Variants in SLCO2B1 observed in about 807,000 individuals in gnomAD.
SLCO2B1 encodes solute carrier organic anion transporter family member 2B1.
Under a neutral mutation model 67.3 loss-of-function variants are expected in SLCO2B1, and 41 were observed. That is an observed-to-expected ratio of 0.61 (90% CI 0.47 to 0.79). The LOEUF is 0.79. Ranked by LOEUF, SLCO2B1 falls within the 30% of genes least tolerant of loss-of-function variation. The pLI is 0.00. For missense variants in SLCO2B1, 837 were observed against 920.1 expected (o/e 0.91, Z 1.17); for synonymous variants, 379 against 381.4 (o/e 0.99, Z 0.07).
chr11:75,203,158 C>T, intron 12 of SLCO2B1, 149 bp from the exon 13 acceptor site: 1 of 1,270,610 alleles, frequency 7.9e-7, no homozygotes. Flanking sequence ...CGTCAGGAAG[C>T]CACCTCGGAT....
chr11:75,189,929 T>C (rs1591830867), intron 8 of SLCO2B1, among the ~76,000 whole-genome samples: 1 of 145,590 alleles, frequency 6.9e-6, no homozygotes, highest in African/African-American at 2.6e-5. Flanking sequence ...GCCGCTGCGC[T>C]CCAGCCTGGG....
At chr11:75,187,500 AT>A (rs1376220116) in intron 7 of SLCO2B1, among the ~76,000 whole-genome samples, 2 of 152,148 alleles carry the variant, frequency 1.3e-5, no homozygotes, top group Non-Finnish European at 2.9e-5. Flanking sequence ...TTTGGGTAAC[AT>A]TGGTGGTGAT....
At chr11:75,189,198 T>C (rs897512962) in intron 8 of SLCO2B1, among the ~76,000 whole-genome samples, 1 of 152,234 alleles carries the variant, frequency 6.6e-6, no homozygotes, top group Non-Finnish European at 1.5e-5. Flanking sequence ...CTCAAGATTA[T>C]GACCCCAGGA....
chr11:75,177,428 G>A (rs904331749), intron 7 of SLCO2B1, among the ~76,000 whole-genome samples: 2 of 152,192 alleles, frequency 1.3e-5, no homozygotes, highest in Non-Finnish European at 2.9e-5. Flanking sequence ...TCCTGCAGTG[G>A]CAGGGACAGG....
chr11:75,157,316 T>C (rs1187883565), intron 1 of SLCO2B1, among the ~76,000 whole-genome samples: 1 of 152,160 alleles, frequency 6.6e-6, no homozygotes, highest in Non-Finnish European at 1.5e-5. Context: ...AATACCATCA[T>C]GTGAATGTTG....
chr11:75,172,642 C>G, intron 7 of SLCO2B1, 73 bp downstream of exon 7: 1 of 1,390,902 alleles, frequency 7.2e-7, no homozygotes. Flanking sequence ...TGTAACATTA[C>G]ACTTCGGCTG....
chr11:75,177,217 T>C (rs1676882), intron 7 of SLCO2B1, among the ~76,000 whole-genome samples: 64,388 of 152,078 alleles, frequency 0.42, 17,216 homozygotes, highest in Non-Finnish European at 0.59. Context: ...CAAGTAGTTC[T>C]ACTATTTTGT....
rs777679616 is a variant in SLCO2B1, at chr11:75,193,341, G to A, written c.1199G>A (p.Arg400His). The A allele has an allele frequency of 5.1e-5, 83 of 1,613,996 alleles. 1 individual carries two copies. The highest frequency in any genetic ancestry group is 1.6e-4 in the Middle Eastern group (1 of 6,084). Reference sequence around the variant, plus strand: ...ACCTTCCTGCCCAAGTTCCTGGAGCGCCAGTTTTCCATCACAGCCTCCTAC... The same window carrying A: ...ACCTTCCTGCCCAAGTTCCTGGAGCACCAGTTTTCCATCACAGCCTCCTAC... ...MATFLPKFLERQFSITASYAN... is the reference protein window; with the variant it reads ...MATFLPKFLEHQFSITASYAN... Residue 400 changes from arginine (R) to histidine (H), a missense_variant, in exon 9 of 14, where the codon CGC becomes CAC. Physicochemically the swap from Arg to His is conservative, Grantham distance 29 (BLOSUM62 0). Transcript: ENST00000289575. This position sits in a 1 kb window ranked among gnomAD's most constrained non-coding sequence, Gnocchi z 4.2.
At position 75,151,146 on chromosome 11, in the gene SLCO2B1, T is replaced by C. The variant is rs59886787; in HGVS notation, c.-236T>C. On this transcript the variant is annotated 5_prime_UTR_variant, in exon 1 of 14. Coordinates refer to ENST00000289575, the MANE Select transcript of SLCO2B1 (RefSeq NM_007256.5). ...ACCCAGGGAGACAAACACTTGGAGA[T>C]ACTTGGGGCTGAGTTTGAGCAAGAC... The C allele has an allele frequency of 1.5e-5, 8 of 529,904 alleles. No individual in the cohort carries two copies. The East Asian group carries it at 2.5e-4, about 16-fold the overall frequency. 32.8% of individuals were successfully genotyped at this position (529,904 alleles called of 1,614,324 possible).
chr11:75,170,989 C>T (rs1211258276), intron 6 of SLCO2B1, among the ~76,000 whole-genome samples: 1 of 152,164 alleles, frequency 6.6e-6, no homozygotes, highest in Non-Finnish European at 1.5e-5. Flanking sequence ...GTGGGCAGAT[C>T]ATGCTAGCTG....
chr11:75,159,792 C>A (rs1949792769), intron 1 of SLCO2B1: 3 of 971,354 alleles, frequency 3.1e-6, no homozygotes, highest in Middle Eastern at 5.3e-4. Flanking sequence ...ACAGCCATAT[C>A]TCTAAAGGAT....
intron 6 of SLCO2B1, among the ~76,000 whole-genome samples, chr11:75,171,566 T>C (rs996631542): frequency 7.2e-5 from 11 of 152,210 alleles, no homozygotes; most frequent in African/African-American, 2.7e-4. Flanking sequence ...CTCATTTGTA[T>C]TTTTATGAAG....
chr11:75,175,256 T>C (rs1026961681), intron 7 of SLCO2B1, among the ~76,000 whole-genome samples: 2 of 152,114 alleles, frequency 1.3e-5, no homozygotes, highest in African/African-American at 2.4e-5. Context: ...TCCACCTCCC[T>C]GAGGCTGCCT....
In SLCO2B1 at chr11:75,196,694, T is replaced by C. The variant is rs376122216; in HGVS notation, c.1599+15T>C. 20 of 1,609,892 alleles carry C rather than the reference T, an allele frequency of 1.2e-5. No individual in the cohort carries two copies. Among genetic ancestry groups the C allele is most frequent in the African/African-American group, 4.0e-5 (3 of 74,876 alleles). ...ACAACAGCCAGGTGAGTCAGGCCTC[T>C]CGTGGCAACCTCTGCCCCTCAGGAC... On this transcript the variant is annotated intron_variant, in intron 10 of 13. Coordinates refer to ENST00000289575, the MANE Select transcript of SLCO2B1 (RefSeq NM_007256.5).
At chr11:75,163,047 C>T (rs1394539878) in intron 2 of SLCO2B1, 1 of 283,444 alleles carries the variant, frequency 3.5e-6, no homozygotes, top group African/African-American at 2.2e-5. Flanking sequence ...CCCCTTGTTT[C>T]CCACTTTCCC....
intron 11 of SLCO2B1, 24 bp downstream of exon 11, chr11:75,200,411 G>A: frequency 1.3e-6 from 2 of 1,562,760 alleles, no homozygotes; most frequent in Non-Finnish European, 1.7e-6. Context: ...TGGGGCAGGG[G>A]CAGGTGGATA....
chr11:75,166,034 G>T (rs61894916), intron 4 of SLCO2B1, 85 bp downstream of exon 4: 14 of 1,471,152 alleles, frequency 9.5e-6, no homozygotes, highest in Non-Finnish European at 1.3e-5. Flanking sequence ...GCATTCATCT[G>T]GCAGGATACA....
intron 11 of SLCO2B1, chr11:75,201,350 C>T (rs1945179698): frequency 6.6e-6 from 1 of 152,196 alleles, no homozygotes; most frequent in Non-Finnish European, 1.5e-5. Flanking sequence ...TATTCTCTCA[C>T]TCAACAATCA....
intron 10 of SLCO2B1, among the ~76,000 whole-genome samples, chr11:75,196,927 C>A (rs1405237406): frequency 2.0e-5 from 3 of 152,168 alleles, no homozygotes; most frequent in Non-Finnish European, 4.4e-5. Context: ...GTCAGGAGTT[C>A]CAGACTGGTG....
Sources: allele counts gnomAD v4.1 joint callset (sites outside exome capture counted in the v4.1 genomes callset), GRCh38; gene constraint gnomAD v4.1.1; non-coding constraint Gnocchi (gnomAD v3.1); transcripts MANE v1.5; gene names NCBI Gene and HGNC (gene_info 2026-07-23, HGNC 2026-07-21).